SUMF1: variants seen among roughly 807,000 people sequenced by gnomAD.
SUMF1 encodes sulfatase modifying factor 1.
Under a neutral mutation model 47.6 loss-of-function variants are expected in SUMF1, and 48 were observed. The observed-to-expected ratio is 1.01, with a 90% confidence interval of 0.80 to 1.28. The LOEUF (loss-of-function observed/expected upper bound fraction) is 1.28, where lower values mean the gene tolerates loss of function less well. Among genes scored for constraint, SUMF1 ranks in the 50% most tolerant of loss-of-function variants. SUMF1 has a pLI of 0.00. For synonymous variants in SUMF1, 230 were observed against 192.1 expected (o/e 1.20, Z -1.63); for missense variants, 571 against 485.4 (o/e 1.18, Z -1.66).
chr3:4,422,199 C>T (rs910913165), intron 3 of SUMF1, among the ~76,000 whole-genome samples: 1 of 152,060 alleles, frequency 6.6e-6, no homozygotes, highest in African/African-American at 2.4e-5. Context: ...ACTGACTGGG[C>T]TGTGCAGGTT....
Position 4,209,352 on chromosome 3 carries a change from C to T in SUMF1, c.1015-140607G>A, listed in dbSNP as rs529566664. Among the ~76,000 whole-genome samples, 4 of 152,222 alleles carry T rather than the reference C, an allele frequency of 2.6e-5. No individual in the cohort carries two copies. In the East Asian group the frequency reaches 7.7e-4, roughly 29 times the overall value. ...ATGGAGAACAAAACACTAACTGAAA[C>T]TTTATTCAAATTCAGTTTCTGTCAT... On this transcript the variant is annotated intron_variant and NMD_transcript_variant, in intron 8 of 12. Transcript: ENST00000448413.
intron 3 of SUMF1, among the ~76,000 whole-genome samples, chr3:4,430,051 A>G (rs1702186208): frequency 6.6e-6 from 1 of 152,358 alleles, no homozygotes; most frequent in Admixed American, 6.5e-5. Context: ...ATGGGAAAAT[A>G]GGCCCTGAAA....
At chr3:4,164,762 C>A (rs1694660147) in intron 8 of SUMF1, among the ~76,000 whole-genome samples, 1 of 151,876 alleles carries the variant, frequency 6.6e-6, no homozygotes, top group South Asian at 2.1e-4. Context: ...TTTTCAGGGC[C>A]CAGGGCTTGC....
chr3:4,205,815 G>C (rs1432536810), intron 8 of SUMF1, among the ~76,000 whole-genome samples: 2 of 152,078 alleles, frequency 1.3e-5, no homozygotes, highest in Non-Finnish European at 1.5e-5. Context: ...CTGGAGTTGG[G>C]GGAAAGGTGA....
At chr3:4,144,154 A>T (rs1694140858) in intron 8 of SUMF1, among the ~76,000 whole-genome samples, 1 of 151,502 alleles carries the variant, frequency 6.6e-6, no homozygotes, top group Non-Finnish European at 1.5e-5. Context: ...TTTCGTAGAG[A>T]CGGGGTCTTA....
Position 4,039,584 on chromosome 3 carries a change from G to A in SUMF1, c.1191+28985C>T, listed in dbSNP as rs1171909229. Among the ~76,000 whole-genome samples, 6 of 146,724 alleles carry A rather than the reference G, an allele frequency of 4.1e-5. No individual in the cohort carries two copies. In the East Asian group the frequency reaches 1.2e-3, roughly 29 times the overall value. The stretch of plus-strand genomic sequence containing the variant: ...TTTTTATGGCTGCATAGTATTCCAT[G>A]GTGTATATGTGCCACATTTTCTTAA... On this transcript the variant is annotated intron_variant and NMD_transcript_variant, in intron 9 of 12. Transcript: ENST00000448413.
chr3:4,246,828 G>C (rs1011187530), intron 8 of SUMF1, among the ~76,000 whole-genome samples: 4 of 152,088 alleles, frequency 2.6e-5, no homozygotes, highest in African/African-American at 9.7e-5. Context: ...TATGACATGA[G>C]AATAAGGGCA....
chr3:4,378,421 C>G lies in SUMF1; in HGVS notation c.955-2032G>C, dbSNP rs367589658. Among the ~76,000 whole-genome samples the G allele has an allele frequency of 3.3e-5, 5 of 152,316 alleles. No homozygotes were observed. The East Asian group carries it at 9.7e-4, about 29-fold the overall frequency. On this transcript the variant is annotated intron_variant, in intron 7 of 8. Coordinates refer to ENST00000272902, the MANE Select transcript of SUMF1 (RefSeq NM_182760.4). ...CAAACCATTGTAAGTAGGGGACTGT[C>G]TGTGCTTAGAAACTATCACAGACAA...
At chr3:4,308,307 A>G (rs965656074) in intron 8 of SUMF1, among the ~76,000 whole-genome samples, 7 of 152,182 alleles carry the variant, frequency 4.6e-5, no homozygotes, top group African/African-American at 1.4e-4. Flanking sequence ...CTACCTGCAA[A>G]ATTTTTATTG....
intron 8 of SUMF1, among the ~76,000 whole-genome samples, chr3:4,267,199 G>A (rs925400824): frequency 6.6e-6 from 1 of 152,148 alleles, no homozygotes; most frequent in East Asian, 1.9e-4. Flanking sequence ...TTTTGGTTGT[G>A]TCTCTGCCCG....
rs148088471 is a variant in SUMF1, at chr3:4,070,787, T to C, written c.1015-2042A>G. On this transcript the variant is annotated intron_variant and NMD_transcript_variant, in intron 8 of 12. Transcript: ENST00000448413. ...AGTAGCTGGGACTACAGGTGCCTGC[T>C]ACCACGCCTAATTTTTTGCATATTT... Among the ~76,000 whole-genome samples, 153 of 152,096 alleles carry C rather than the reference T, an allele frequency of 1.0e-3. 1 individual carries two copies. The highest frequency in any genetic ancestry group is 3.5e-3 in the African/African-American group (145 of 41,500).
chr3:4,273,707 G>A (rs1326876376), intron 8 of SUMF1, among the ~76,000 whole-genome samples: 1 of 119,524 alleles, frequency 8.4e-6, no homozygotes, highest in Non-Finnish European at 1.7e-5. Flanking sequence ...ATACGGGAGG[G>A]AGGATACGGG....
At chr3:4,457,094 A>T (rs188566682) in intron 1 of SUMF1, among the ~76,000 whole-genome samples, 2,689 of 137,502 alleles carry the variant, frequency 0.02, 113 homozygotes, top group Non-Finnish European at 0.022. Flanking sequence ...ATATATATAT[A>T]TTTTTTTTGT....
intron 8 of SUMF1, 104 bp downstream of exon 8, chr3:4,376,226 G>A: frequency 7.4e-7 from 1 of 1,354,750 alleles, no homozygotes; most frequent in Admixed American, 1.7e-5. Context: ...GGTTAGGTAG[G>A]CATTTGCAGA....
At position 4,196,666 on chromosome 3, in the gene SUMF1, C is replaced by A. The variant is rs184904606; in HGVS notation, c.1015-127921G>T. On this transcript the variant is annotated intron_variant and NMD_transcript_variant, in intron 8 of 12. Transcript: ENST00000448413. ...GACTTAATGCTTTTCTACCTCTAAC[C>A]CTTTTCCCTCTCTCTGGCCTCCTGG... 2.5e-3 allele frequency among the ~76,000 whole-genome samples: 374 copies of A among 152,204 alleles called. 3 individuals are homozygous for A. Among genetic ancestry groups the A allele is most frequent in the African/African-American group, 8.8e-3 (364 of 41,550 alleles).
rs767157911 is a variant in SUMF1 at position 4,376,340 on chromosome 3, A to G, written c.1004T>C (p.Met335Thr). Reference sequence around the variant, plus strand: ...AGTGACATGACTTACCCTATGGCACATGTAGGATCCACCTTTCTTCACTCG... The same window carrying G: ...AGTGACATGACTTACCCTATGGCACGTGTAGGATCCACCTTTCTTCACTCG... ...KDRVKKGGSY[M>T]CHRSYCYRYR... is the part of the protein sequence containing the mutation. Residue 335 changes from methionine to threonine, a missense_variant, in exon 8 of 9, where the codon ATG (methionine) becomes ACG (threonine). Physicochemically the swap from Met to Thr is moderately conservative, Grantham distance 81. Coordinates refer to ENST00000272902, the MANE Select transcript of SUMF1 (RefSeq NM_182760.4). The G allele has an allele frequency of 1.1e-5, 17 of 1,614,180 alleles. No individual in the cohort carries two copies. The East Asian group carries it at 3.8e-4, about 36-fold the overall frequency.
chr3:4,221,041 T>C (rs1462304805), intron 8 of SUMF1, among the ~76,000 whole-genome samples: 1 of 152,152 alleles, frequency 6.6e-6, no homozygotes, highest in Non-Finnish European at 1.5e-5. Flanking sequence ...TCAGGTCCAG[T>C]GCAACTAGGT....
chr3:4,458,855 CA>C (rs1266162019), intron 1 of SUMF1, among the ~76,000 whole-genome samples: 2 of 151,266 alleles, frequency 1.3e-5, no homozygotes, highest in East Asian at 1.9e-4. Flanking sequence ...GATTCCGTCT[CA>C]AGAGAAAAAA....
At chr3:4,097,632 G>A (rs947921073) in intron 8 of SUMF1, among the ~76,000 whole-genome samples, 12 of 152,118 alleles carry the variant, frequency 7.9e-5, no homozygotes, top group African/African-American at 2.7e-4. Flanking sequence ...AATTCACAAC[G>A]CATGTGTTCT....
Sources: gnomAD v4.1 joint callset for allele counts (sites outside exome capture counted in the v4.1 genomes callset) on GRCh38, gnomAD v4.1.1 for gene constraint, MANE v1.5 for transcripts, NCBI Gene and HGNC (gene_info 2026-07-23, HGNC 2026-07-21) for gene names.